TENM2: variants seen among roughly 807,000 people sequenced by gnomAD.
TENM2 encodes the protein teneurin-2.
Under a neutral mutation model 245.2 loss-of-function variants are expected in TENM2, and 52 were observed. The ratio of observed to expected loss-of-function variants is 0.21; its 90% CI spans 0.17 to 0.27. The LOEUF is 0.27. Ranked by LOEUF, TENM2 falls within the 10% of genes least tolerant of loss-of-function variation. The pLI, the probability that TENM2 is intolerant of heterozygous loss-of-function variation, is 1.00. For missense variants in TENM2, 3,046 were observed against 3,666.8 expected, an observed-to-expected ratio of 0.83 and a Z score of 4.37; for synonymous variants, 1,363 against 1,438.9, an observed-to-expected ratio of 0.95 and a Z score of 1.19.
the TENM2 span, among the ~76,000 whole-genome samples, chr5:167,040,336 A>G: frequency 3.3e-5 from 5 of 152,142 alleles, no homozygotes; most frequent in Admixed American, 3.3e-4. Flanking sequence ...TGAAGTTAAC[A>G]ATTGAGGCAG....
chr5:167,297,404 C>T (rs570390219), intron 1 of TENM2: 1 of 152,264 alleles, frequency 6.6e-6, no homozygotes, highest in Admixed American at 6.5e-5. Flanking sequence ...TCTTCTGGCA[C>T]CCCTGCTTCT....
chr5:167,734,633 A>C (rs1204406944), intron 2 of TENM2, among the ~76,000 whole-genome samples: 1 of 152,012 alleles, frequency 6.6e-6, no homozygotes, highest in Admixed American at 6.6e-5. Context: ...AGTGTGTTCT[A>C]TCTACATTAT....
chr5:168,244,222 C>T lies in TENM2; in HGVS notation c.5521-198C>T, dbSNP rs1766350206. On this transcript the variant is annotated intron_variant, in intron 25 of 28. Transcript: ENST00000518659. The surrounding 1 kb of genome is among the most constrained non-coding windows in gnomAD (Gnocchi z 4.9). ...ACAGTGCTAGGATTACAGGCGTGAG[C>T]CACCACACCCGGCCAAATTTTGCCA... Among the ~76,000 whole-genome samples, 1 of 152,212 alleles carries T rather than the reference C, an allele frequency of 6.6e-6. No homozygotes were observed. The highest frequency in any genetic ancestry group is 1.9e-4 in the East Asian group (1 of 5,192).
intron 2 of TENM2, among the ~76,000 whole-genome samples, chr5:167,502,964 C>T (rs980285851): frequency 6.6e-6 from 1 of 152,112 alleles, no homozygotes; most frequent in Non-Finnish European, 1.5e-5. Flanking sequence ...CAGGTAGCTG[C>T]GACTACAGGC....
chr5:168,180,179 C>A (rs181179047), intron 13 of TENM2, among the ~76,000 whole-genome samples: 1 of 152,294 alleles, frequency 6.6e-6, no homozygotes, highest in Admixed American at 6.5e-5. Context: ...AACAAAGCCC[C>A]CAAACCTAGA....
chr5:168,258,586 A>T (rs1581794697), intron 27 of TENM2, among the ~76,000 whole-genome samples: 1 of 152,190 alleles, frequency 6.6e-6, no homozygotes, highest in Non-Finnish European at 1.5e-5. Flanking sequence ...TCCACAATGG[A>T]TGAAACTTAG....
chr5:168,097,389 A>G (rs1793454280), intron 8 of TENM2, among the ~76,000 whole-genome samples: 1 of 152,122 alleles, frequency 6.6e-6, no homozygotes, highest in Admixed American at 6.6e-5. Flanking sequence ...TTTTAAATCC[A>G]GACTGATAGT....
intron 2 of TENM2, among the ~76,000 whole-genome samples, chr5:167,785,505 G>A (rs1041074810): frequency 2.2e-4 from 34 of 152,304 alleles, no homozygotes; most frequent in African/African-American, 7.9e-4. Flanking sequence ...AGAGAAATCA[G>A]ATGGATTGAT....
At chr5:167,872,296 TAGAAAGAAAGAAAGAAAGAAAGA>T (rs1432665523) in intron 2 of TENM2, among the ~76,000 whole-genome samples, 12 of 104,590 alleles carry the variant, frequency 1.1e-4, no homozygotes, top group Non-Finnish European at 1.8e-4. Flanking sequence ...AAGAGAAAGA[TAGAAAGAAAGAAAGAAAGAAAGA>T]AAGAAAGAAA....
At chr5:167,110,481 C>T in the TENM2 span, among the ~76,000 whole-genome samples, 3 of 152,154 alleles carry the variant, frequency 2.0e-5, no homozygotes, top group Non-Finnish European at 4.4e-5. Flanking sequence ...CTTCCCACTC[C>T]CCAGTTCTCT....
chr5:168,225,776 A>G (rs868164414), intron 23 of TENM2, among the ~76,000 whole-genome samples: 3 of 151,862 alleles, frequency 2.0e-5, no homozygotes, highest in Admixed American at 1.3e-4. Flanking sequence ...AAAAAAAAAA[A>G]AAAGAAAAGA....
At chr5:167,316,008 G>T (rs1158767851) in intron 1 of TENM2, among the ~76,000 whole-genome samples, 3 of 152,104 alleles carry the variant, frequency 2.0e-5, no homozygotes, top group Non-Finnish European at 4.4e-5. Context: ...ACTCCCTGCA[G>T]GTCTCTGCTC....
intron 2 of TENM2, among the ~76,000 whole-genome samples, chr5:167,440,967 A>G (rs1764849005): frequency 1.3e-5 from 2 of 152,282 alleles, no homozygotes; most frequent in South Asian, 4.1e-4. Context: ...CCTGACCAGC[A>G]TATGGATGTT....
At chr5:167,021,976 G>T in the TENM2 span, among the ~76,000 whole-genome samples, 2 of 152,164 alleles carry the variant, frequency 1.3e-5, no homozygotes, top group African/African-American at 4.8e-5. Flanking sequence ...ATATATTAAT[G>T]TATGCTAGTT....
the TENM2 span, among the ~76,000 whole-genome samples, chr5:167,132,875 T>G: frequency 6.6e-6 from 1 of 152,246 alleles, no homozygotes; most frequent in African/African-American, 2.4e-5. Context: ...CCCAGGTCCC[T>G]CAGGGGTAGA....
the TENM2 span, among the ~76,000 whole-genome samples, chr5:167,086,010 AC>A: frequency 6.6e-6 from 1 of 152,248 alleles, no homozygotes; most frequent in South Asian, 2.1e-4. Context: ...GTCTCACTAG[AC>A]CTCTGACAAT....
At chr5:168,260,447 T>C in intron 28 of TENM2, 34 bp downstream of exon 30, 2 of 1,610,572 alleles carry the variant, frequency 1.2e-6, no homozygotes, top group Admixed American at 1.7e-5. Context: ...ATCCAAATGA[T>C]TGTCATCATT....
At chr5:167,273,009 C>T in the TENM2 span, among the ~76,000 whole-genome samples, 1 of 151,082 alleles carries the variant, frequency 6.6e-6, no homozygotes, top group Non-Finnish European at 1.5e-5. Flanking sequence ...TATACAATAG[C>T]ACACACACAC....
chr5:168,238,214 G>GGAGA (rs1765712127), intron 25 of TENM2, among the ~76,000 whole-genome samples: 1 of 46,966 alleles, frequency 2.1e-5, no homozygotes, highest in Non-Finnish European at 3.4e-5. Context: ...AGGGAGGGAG[G>GGAGA]GAGAGAGAAG....
Sources: gnomAD v4.1 joint callset for allele counts (sites outside exome capture counted in the v4.1 genomes callset) on GRCh38, gnomAD v4.1.1 for gene constraint, Gnocchi (gnomAD v3.1) non-coding constraint, MANE v1.5 for transcripts, NCBI Gene and HGNC (gene_info 2026-07-23, HGNC 2026-07-21) for gene names.